Variants in KMT2C observed in about 807,000 individuals in gnomAD.
KMT2C encodes histone-lysine N-methyltransferase 2C.
Under a neutral mutation model 507.9 loss-of-function variants are expected in KMT2C, and 88 were observed. That is an observed-to-expected ratio of 0.17 (90% CI 0.15 to 0.21). The LOEUF (loss-of-function observed/expected upper bound fraction) is 0.21, where lower values mean the gene tolerates loss of function less well. KMT2C is among the 10% of genes least tolerant of loss of function. The pLI is 1.00. For synonymous variants in KMT2C, 2,049 were observed against 2,080.8 expected, an observed-to-expected ratio of 0.98 and a Z score of 0.42; for missense variants, 4,954 against 5,957.8, an observed-to-expected ratio of 0.83 and a Z score of 5.55.
rs746018833 is a variant in KMT2C, at chr7:152,178,015, TAAAAAAAA to T, written c.7443-13_7443-6del. The T allele has an allele frequency of 5.8e-4, 470 of 811,014 alleles. 1 individual carries two copies. The highest frequency in any genetic ancestry group is 4.4e-3 in the Middle Eastern group (8 of 1,816). The allele number at this position is 811,014 out of a possible 1,614,324, so 50.2% of individuals were successfully genotyped here. On this transcript the variant is annotated splice_polypyrimidine_tract_variant and splice_region_variant and intron_variant, in intron 37 of 58. Transcript: ENST00000262189. ...CTACCTCCTGGAAATCCAAATCTTTTAAAAAAAAAAAAAAAAAAAAAAAAAAAGCAAAT... is the reference window on the plus strand; with the variant it reads ...CTACCTCCTGGAAATCCAAATCTTTTAAAAAAAAAAAAAAAAAAAGCAAAT...
At chr7:152,393,460 G>C (rs548610482) in intron 1 of KMT2C, among the ~76,000 whole-genome samples, 1 of 152,170 alleles carries the variant, frequency 6.6e-6, no homozygotes, top group East Asian at 1.9e-4. Flanking sequence ...ATGACAAACA[G>C]ACTATTAGTT....
chr7:152,359,587 T>C (rs572961054), intron 1 of KMT2C, among the ~76,000 whole-genome samples: 1 of 151,868 alleles, frequency 6.6e-6, no homozygotes, highest in Admixed American at 6.6e-5. Context: ...CTGGCCATCA[T>C]GGCGAAACCC....
intron 7 of KMT2C, among the ~76,000 whole-genome samples, chr7:152,270,110 A>G (rs182521583): frequency 5.3e-5 from 8 of 152,296 alleles, no homozygotes; most frequent in African/African-American, 9.6e-5. Flanking sequence ...TCATCTGCCA[A>G]TTTTCATCAC....
chr7:152,163,243 C>T lies in KMT2C; in HGVS notation c.10334G>A (p.Arg3445Lys), dbSNP rs2129104329. 2 of 1,614,150 alleles carry T rather than the reference C, an allele frequency of 1.2e-6. No homozygotes were observed. Among genetic ancestry groups the T allele is most frequent in the Non-Finnish European group, 1.7e-6 (2 of 1,180,024 alleles). The change falls in exon 43 of 59, where the codon AGG becomes AAG. Residue 3445 changes from arginine (R) to lysine (K), a missense_variant. Coordinates refer to ENST00000262189, the MANE Select transcript of KMT2C (RefSeq NM_170606.3). ...GMVGSEISSS[R>K]TSVSQIPFYS... ...GAAGGGAATCTGGGACACAGATGTC[C>T]TACTACTACTTATCTCAGAGCCCAC... is the stretch of plus-strand genomic sequence containing the variant.
At chr7:152,310,102 A>T in intron 5 of KMT2C, 27 bp from the exon 6 acceptor site, 1 of 1,441,794 alleles carries the variant, frequency 6.9e-7, no homozygotes, top group South Asian at 1.2e-5. Flanking sequence ...GAAAAGGAGC[A>T]AATGAGCAAA....
chr7:152,288,554 A>T (rs1193477503), intron 6 of KMT2C, among the ~76,000 whole-genome samples: 7 of 150,156 alleles, frequency 4.7e-5, no homozygotes, highest in African/African-American at 7.4e-5. Flanking sequence ...ATAAATAAAT[A>T]TTTTTTTTTT....
At chr7:152,376,043 G>A (rs575478930) in intron 1 of KMT2C, among the ~76,000 whole-genome samples, 6 of 152,118 alleles carry the variant, frequency 3.9e-5, no homozygotes, top group Admixed American at 1.3e-4. Flanking sequence ...AAACTCAAGC[G>A]ATCCTCCTGC....
intron 6 of KMT2C, among the ~76,000 whole-genome samples, chr7:152,274,315 A>T (rs2096037331): frequency 6.6e-6 from 1 of 152,180 alleles, no homozygotes; most frequent in Non-Finnish European, 1.5e-5. Context: ...TACAAAATAA[A>T]CTCATCAATT....
chr7:152,414,994 G>A (rs2097720053), intron 1 of KMT2C, among the ~76,000 whole-genome samples: 1 of 151,988 alleles, frequency 6.6e-6, no homozygotes, highest in Admixed American at 6.6e-5. Flanking sequence ...GGCAACAGGT[G>A]CATACCACAT....
intron 37 of KMT2C, among the ~76,000 whole-genome samples, chr7:152,178,868 C>T (rs1413957589): frequency 6.6e-6 from 1 of 152,148 alleles, no homozygotes; most frequent in Non-Finnish European, 1.5e-5. Context: ...TTGGCTTTGA[C>T]TTTAGCCACT....
chr7:152,346,151 A>G (rs1589335584), intron 2 of KMT2C, among the ~76,000 whole-genome samples: 1 of 152,350 alleles, frequency 6.6e-6, no homozygotes, highest in South Asian at 2.1e-4. Context: ...TTATCGTTGG[A>G]AAGTTTAACA....
At chr7:152,393,711 A>G (rs2097518878) in intron 1 of KMT2C, among the ~76,000 whole-genome samples, 2 of 152,038 alleles carry the variant, frequency 1.3e-5, no homozygotes, top group Non-Finnish European at 2.9e-5. Context: ...TGACCAATAG[A>G]GAGAAACCCT....
At position 152,163,433 on chromosome 7, in the gene KMT2C, G is replaced by A. The variant is rs375738474; in HGVS notation, c.10144C>T (p.Arg3382Trp). 131 of 1,614,062 alleles carry A rather than the reference G, an allele frequency of 8.1e-5. No individual in the cohort carries two copies. Among genetic ancestry groups the A allele is most frequent in the Middle Eastern group, 1.6e-4 (1 of 6,084 alleles). Residue 3382 changes from arginine (R) to tryptophan (W), a missense_variant, in exon 43 of 59, where the codon CGG becomes TGG. By Grantham distance (101) the Arg-to-Trp change is moderately radical. This residue lies in a region of KMT2C where 801 missense variants were observed against 751.2 expected (regional missense o/e 1.07). Coordinates refer to ENST00000262189, the MANE Select transcript of KMT2C (RefSeq NM_170606.3). Reference protein sequence around the residue: ...NANPQSGPPPRVEFDDNNPFS... With the variant: ...NANPQSGPPPWVEFDDNNPFS... Reference sequence around the variant, plus strand: ...GGATTGTTGTCATCAAATTCTACCCGAGGTGGTGGTCCACTCTGTGGATTT... The same window carrying A: ...GGATTGTTGTCATCAAATTCTACCCAAGGTGGTGGTCCACTCTGTGGATTT...
intron 5 of KMT2C, 44 bp from the exon 6 acceptor site, chr7:152,310,119 A>C (rs776892482): frequency 7.7e-7 from 1 of 1,300,246 alleles, no homozygotes; most frequent in South Asian, 1.3e-5. Flanking sequence ...CAAACATTAA[A>C]AAAATTAAAG....
intron 9 of KMT2C, among the ~76,000 whole-genome samples, chr7:152,255,157 A>ATATATATGTG (rs767823858): frequency 3.1e-5 from 4 of 128,374 alleles, no homozygotes; most frequent in African/African-American, 9.1e-5. Context: ...ATATATATAT[A>ATATATATGTG]TGTGTGTGTG....
intron 22 of KMT2C, among the ~76,000 whole-genome samples, chr7:152,221,241 G>A (rs1167076135): frequency 2.6e-5 from 4 of 152,086 alleles, no homozygotes; most frequent in African/African-American, 9.7e-5. Context: ...TGGGCGACAG[G>A]GCGAGACTCT....
chr7:152,244,754 T>C (rs1329815302), intron 14 of KMT2C, among the ~76,000 whole-genome samples: 2 of 152,188 alleles, frequency 1.3e-5, no homozygotes, highest in Non-Finnish European at 2.9e-5. Flanking sequence ...AGGAATCTTA[T>C]TCTATTCACA....
chr7:152,178,572 T>A (rs1382554877), intron 37 of KMT2C, among the ~76,000 whole-genome samples: 1 of 152,194 alleles, frequency 6.6e-6, no homozygotes, highest in African/African-American at 2.4e-5. Flanking sequence ...GACTATTTTA[T>A]ATTGTACTTC....
intron 26 of KMT2C, 127 bp from the exon 27 acceptor site, chr7:152,199,586 T>C: frequency 2.1e-6 from 1 of 480,292 alleles, no homozygotes. Flanking sequence ...ATATAGAAAC[T>C]GAATACAGAA....
Sources: gnomAD v4.1 joint callset for allele counts (sites outside exome capture counted in the v4.1 genomes callset) on GRCh38, gnomAD v4.1.1 for gene constraint, gnomAD v4.1.1 regional missense constraint, MANE v1.5 for transcripts, NCBI Gene and HGNC (gene_info 2026-07-23, HGNC 2026-07-21) for gene names.